The following EYS variants were observed in gnomAD, a reference collection of about 807,000 sequenced individuals.
The protein encoded by EYS is EGF-like photoreceptor maintenance factor, also known as protein eyes shut homolog.
A neutral mutation model predicts 282.1 loss-of-function variants in EYS; 250 were observed. That is an observed-to-expected ratio of 0.89 (90% CI 0.80 to 0.98). EYS has a LOEUF of 0.98. Ranked by LOEUF, EYS falls within the 50% of genes least tolerant of loss-of-function variation. The pLI, the probability that EYS is intolerant of heterozygous loss-of-function variation, is 0.00. For synonymous variants in EYS, 1,355 were observed against 1,282.9 expected, an observed-to-expected ratio of 1.06 and a Z score of -1.20; for missense variants, 4,016 against 3,709.0, an observed-to-expected ratio of 1.08 and a Z score of -2.15.
At chr6:65,120,855 T>C (rs1242482487) in intron 12 of EYS, among the ~76,000 whole-genome samples, 1 of 152,208 alleles carries the variant, frequency 6.6e-6, no homozygotes, top group Non-Finnish European at 1.5e-5. Flanking sequence ...ATTAATAATC[T>C]AACATTCAAT....
At chr6:64,202,864 G>A (rs898943741) in intron 31 of EYS, among the ~76,000 whole-genome samples, 1 of 152,132 alleles carries the variant, frequency 6.6e-6, no homozygotes, top group African/African-American at 2.4e-5. Flanking sequence ...ACCAATAGCT[G>A]GAAAAGGCAA....
intron 12 of EYS, among the ~76,000 whole-genome samples, chr6:65,253,246 T>C (rs1334523586): frequency 6.6e-6 from 1 of 151,970 alleles, no homozygotes; most frequent in Admixed American, 6.6e-5. Flanking sequence ...TCCCACATAA[T>C]ATATCTAGGC....
chr6:64,423,301 T>A (rs1020318863), intron 28 of EYS, among the ~76,000 whole-genome samples: 5 of 152,252 alleles, frequency 3.3e-5, no homozygotes, highest in African/African-American at 9.6e-5. Flanking sequence ...CAGATTAATT[T>A]GAAACCATCA....
At chr6:63,786,944 C>T (rs1454755628) in intron 39 of EYS, among the ~76,000 whole-genome samples, 2 of 152,070 alleles carry the variant, frequency 1.3e-5, no homozygotes, top group Admixed American at 6.5e-5. Context: ...TAACAATACG[C>T]CATGATTTAT....
chr6:64,712,195 G>A (rs563729503), intron 22 of EYS, among the ~76,000 whole-genome samples: 2 of 152,302 alleles, frequency 1.3e-5, no homozygotes, highest in African/African-American at 4.8e-5. Flanking sequence ...ATGTAGCAAT[G>A]TGTGTGTGAA....
chr6:64,546,817 A>G (rs1470677657), intron 26 of EYS, among the ~76,000 whole-genome samples: 8 of 152,288 alleles, frequency 5.3e-5, no homozygotes, highest in Admixed American at 5.2e-4. Context: ...TCAAAACCAC[A>G]ATGAGATACC....
chr6:65,122,953 T>A (rs1015302896), intron 12 of EYS, among the ~76,000 whole-genome samples: 7 of 152,112 alleles, frequency 4.6e-5, no homozygotes, highest in Admixed American at 3.9e-4. Flanking sequence ...TATGAGCATA[T>A]ATTAATATGA....
chr6:65,362,312 C>CACAA (rs1158975253), intron 8 of EYS, among the ~76,000 whole-genome samples: 3 of 151,902 alleles, frequency 2.0e-5, no homozygotes, highest in African/African-American at 7.2e-5. Context: ...TTAAAATGAA[C>CACAA]ACAAATAAAC....
intron 22 of EYS, among the ~76,000 whole-genome samples, chr6:64,752,242 CAAAT>C (rs1291917599): frequency 2.3e-4 from 35 of 151,510 alleles, no homozygotes; most frequent in Admixed American, 2.2e-3. Context: ...AAAGCTAACA[CAAAT>C]AAATCAGAAA....
chr6:65,678,306 T>C (rs535081300), intron 1 of EYS, among the ~76,000 whole-genome samples: 2 of 152,104 alleles, frequency 1.3e-5, no homozygotes, highest in South Asian at 4.1e-4. Context: ...CATTTCAACA[T>C]GAGATCTGGA....
chr6:65,404,053 G>C (rs1018585266), intron 6 of EYS, among the ~76,000 whole-genome samples: 1 of 152,002 alleles, frequency 6.6e-6, no homozygotes, highest in Non-Finnish European at 1.5e-5. Context: ...GTTTCAGAAG[G>C]CTAAAACCAA....
At chr6:64,115,821 A>T (rs1773363920) in intron 31 of EYS, among the ~76,000 whole-genome samples, 1 of 152,204 alleles carries the variant, frequency 6.6e-6, no homozygotes, top group Non-Finnish European at 1.5e-5. Flanking sequence ...ACACACCGTA[A>T]TATTCTAGTA....
At chr6:65,235,131 A>G (rs971275752) in intron 12 of EYS, among the ~76,000 whole-genome samples, 1 of 152,218 alleles carries the variant, frequency 6.6e-6, no homozygotes, top group African/African-American at 2.4e-5. Context: ...TCAGTATATG[A>G]GCCTAAGCTA....
chr6:65,336,501 A>C (rs1315797229), intron 10 of EYS, among the ~76,000 whole-genome samples: 1 of 151,630 alleles, frequency 6.6e-6, no homozygotes, highest in Non-Finnish European at 1.5e-5. Context: ...ACAATTTTTT[A>C]AAATTCCATT....
At chr6:65,340,819 G>A (rs1240959291) in intron 10 of EYS, among the ~76,000 whole-genome samples, 3 of 151,004 alleles carry the variant, frequency 2.0e-5, no homozygotes, top group African/African-American at 7.3e-5. Context: ...GTCTTTTGGA[G>A]GGTAAATAGT....
intron 12 of EYS, among the ~76,000 whole-genome samples, chr6:65,207,784 C>G (rs911615883): frequency 6.6e-6 from 1 of 151,626 alleles, no homozygotes; most frequent in East Asian, 1.9e-4. Context: ...GGAAAGGACT[C>G]CCCATTTAAA....
chr6:64,223,265 C>T (rs535476218), intron 31 of EYS, among the ~76,000 whole-genome samples: 15 of 152,008 alleles, frequency 9.9e-5, no homozygotes, highest in Non-Finnish European at 1.9e-4. Flanking sequence ...ATATTTTCTA[C>T]TTTCCATTTT....
chr6:65,612,415 T>C lies in EYS; in HGVS notation c.-333+27363A>G, dbSNP rs189729747. On this transcript the variant is annotated intron_variant, in intron 2 of 42. Transcript: ENST00000503581. ...AAAAACACAGGTACTAAATTTACCA[T>C]GAACTGATTAAATTAGGTGATACTA... Among the ~76,000 whole-genome samples, 4 of 151,824 alleles carry C rather than the reference T, an allele frequency of 2.6e-5. No homozygotes were observed. In the East Asian group the frequency reaches 7.7e-4, roughly 29 times the overall value.
chr6:65,236,702 A>G (rs865929198), intron 12 of EYS, among the ~76,000 whole-genome samples: 44 of 152,164 alleles, frequency 2.9e-4, no homozygotes, highest in African/African-American at 8.0e-4. Context: ...TACTGACTTC[A>G]GTGGTACAGT....
Sources: allele counts gnomAD v4.1 joint callset (sites outside exome capture counted in the v4.1 genomes callset), GRCh38; gene constraint gnomAD v4.1.1; transcripts MANE v1.5; gene names NCBI Gene and HGNC (gene_info 2026-07-23, HGNC 2026-07-21).